ARHGAP26: variants seen among roughly 807,000 people sequenced by gnomAD.
ARHGAP26 encodes the protein Rho GTPase activating protein 26, also known as rho GTPase-activating protein 26.
In ARHGAP26, 38 loss-of-function variants were observed where a neutral mutation model predicts 104.8. That is an observed-to-expected ratio of 0.36 (90% CI 0.28 to 0.48). The LOEUF is 0.48. Ranked by LOEUF, ARHGAP26 falls within the 20% of genes least tolerant of loss-of-function variation. The probability of loss-of-function intolerance (pLI) is 0.99; values close to 1 mark genes in which losing one functional copy is unlikely to be tolerated. For missense variants in ARHGAP26, 704 were observed against 947.9 expected (o/e 0.74, Z 3.38); for synonymous variants, 341 against 340.0 (o/e 1.00, Z -0.03).
intron 1 of ARHGAP26, among the ~76,000 whole-genome samples, chr5:142,841,516 C>T (rs896465372): frequency 6.6e-6 from 1 of 152,192 alleles, no homozygotes; most frequent in Non-Finnish European, 1.5e-5. Context: ...AATAAGAATC[C>T]TTTACCCTAG....
At chr5:142,857,690 G>A (rs949665512) in intron 1 of ARHGAP26, among the ~76,000 whole-genome samples, 4 of 152,284 alleles carry the variant, frequency 2.6e-5, no homozygotes, top group African/African-American at 9.6e-5. Flanking sequence ...TCTCCTCTGG[G>A]AACAGTTTCC....
At chr5:143,042,572 A>T (rs1372397122) in intron 14 of ARHGAP26, among the ~76,000 whole-genome samples, 1 of 152,218 alleles carries the variant, frequency 6.6e-6, no homozygotes, top group Non-Finnish European at 1.5e-5. Context: ...GCCAGCCTCC[A>T]TGAATCACAT....
At chr5:143,044,394 G>T (rs1156473903) in intron 14 of ARHGAP26, among the ~76,000 whole-genome samples, 1 of 152,172 alleles carries the variant, frequency 6.6e-6, no homozygotes, top group African/African-American at 2.4e-5. Flanking sequence ...AGCCTCTGCA[G>T]TCCTTGGAGC....
intron 20 of ARHGAP26, among the ~76,000 whole-genome samples, chr5:143,205,251 A>C (rs1293953205): frequency 6.6e-6 from 1 of 152,184 alleles, no homozygotes; most frequent in Non-Finnish European, 1.5e-5. Context: ...TCTTGAAGTC[A>C]AGGGACCTTG....
chr5:143,053,293 C>T (rs980826538), intron 14 of ARHGAP26, among the ~76,000 whole-genome samples: 1 of 152,118 alleles, frequency 6.6e-6, no homozygotes, highest in African/African-American at 2.4e-5. Context: ...GAATCTCATT[C>T]TCCACCCCTG....
chr5:143,227,487 G>T lies in ARHGAP26; in HGVS notation c.*5041G>T, dbSNP rs1301916782. On this transcript the variant is annotated 3_prime_UTR_variant, in exon 23 of 23. Transcript: ENST00000645722. ...TTTGGCAGCCACACCGATCGGCTGGGTGCTGAACCGCCTCTCTGTAATTGT... is the reference window on the plus strand; with the variant it reads ...TTTGGCAGCCACACCGATCGGCTGGTTGCTGAACCGCCTCTCTGTAATTGT... 3.0e-5 allele frequency: 7 copies of T among 231,184 alleles called. No individual in the cohort carries two copies. Among genetic ancestry groups the T allele is most frequent in the Non-Finnish European group, 6.0e-5 (7 of 116,848 alleles). The allele number at this position is 231,184 out of a possible 1,614,324, so 14.3% of individuals were successfully genotyped here. A position where few individuals can be genotyped will look rare whatever the true frequency, so the allele number is the denominator to read the frequency against.
At chr5:142,826,114 G>C (rs949605384) in intron 1 of ARHGAP26, among the ~76,000 whole-genome samples, 8 of 152,258 alleles carry the variant, frequency 5.3e-5, no homozygotes, top group African/African-American at 1.9e-4. Flanking sequence ...CAGTCAGACA[G>C]TGTTGAATCT....
Position 143,103,996 on chromosome 5 carries a change from TG to T in ARHGAP26, c.1539-16991del, listed in dbSNP as rs1793641691. On this transcript the variant is annotated intron_variant, in intron 17 of 22. Coordinates refer to ENST00000645722, the MANE Select transcript of ARHGAP26 (RefSeq NM_001135608.3). ...TATTCAACCTTAGAAAAGGAGATCC[TG>T]CTATTTGTTACAACATGGATAGACC... Among the ~76,000 whole-genome samples, 4 of 151,118 alleles carry T rather than the reference TG, an allele frequency of 2.6e-5. No individual in the cohort carries two copies. In the South Asian group the frequency reaches 8.4e-4, roughly 32 times the overall value.
At chr5:143,115,467 T>C (rs1795325960) in intron 17 of ARHGAP26, among the ~76,000 whole-genome samples, 1 of 151,568 alleles carries the variant, frequency 6.6e-6, no homozygotes, top group Admixed American at 6.6e-5. Flanking sequence ...TACAAATAGG[T>C]AGGGTACAGA....
chr5:142,994,765 C>G (rs955737598), intron 11 of ARHGAP26, among the ~76,000 whole-genome samples: 1 of 152,224 alleles, frequency 6.6e-6, no homozygotes, highest in Non-Finnish European at 1.5e-5. Context: ...AGCATTTACT[C>G]TGTGCCATGC....
intron 5 of ARHGAP26, among the ~76,000 whole-genome samples, chr5:142,890,172 A>ATG (rs1758433287): frequency 9.6e-6 from 1 of 104,226 alleles, no homozygotes; most frequent in Non-Finnish European, 2.1e-5. Context: ...ATATATATAT[A>ATG]TATATATATA....
chr5:142,868,271 C>T (rs1433318677), intron 1 of ARHGAP26, among the ~76,000 whole-genome samples: 2 of 152,084 alleles, frequency 1.3e-5, no homozygotes, highest in Non-Finnish European at 2.9e-5. Context: ...TGGGCATGCC[C>T]CGGGAACTGG....
At chr5:143,195,822 T>G (rs1003421612) in intron 20 of ARHGAP26, among the ~76,000 whole-genome samples, 5 of 151,976 alleles carry the variant, frequency 3.3e-5, no homozygotes, top group African/African-American at 1.2e-4. Flanking sequence ...TTTTTTTTTT[T>G]TGTAATATTT....
intron 17 of ARHGAP26, among the ~76,000 whole-genome samples, chr5:143,104,036 A>G (rs1391756565): frequency 6.6e-6 from 1 of 151,894 alleles, no homozygotes; most frequent in Non-Finnish European, 1.5e-5. Flanking sequence ...AGAAAAAAAA[A>G]AAGAGAGAAA....
chr5:142,972,889 A>G (rs1772490751), intron 11 of ARHGAP26, among the ~76,000 whole-genome samples: 1 of 151,390 alleles, frequency 6.6e-6, no homozygotes, highest in Non-Finnish European at 1.5e-5. Context: ...GATTTTACAT[A>G]TAATTGAGAT....
intron 12 of ARHGAP26, 53 bp from the exon 13 acceptor site, chr5:143,037,143 T>G: frequency 6.7e-7 from 1 of 1,501,372 alleles, no homozygotes; most frequent in Non-Finnish European, 9.2e-7. Flanking sequence ...AGCCCTATCC[T>G]GAGGTTGATT....
intron 5 of ARHGAP26, among the ~76,000 whole-genome samples, chr5:142,888,341 G>A (rs1001069140): frequency 2.6e-5 from 4 of 152,204 alleles, no homozygotes; most frequent in Non-Finnish European, 5.9e-5. Context: ...GTTATTTAGT[G>A]CCAGTGTCAT....
chr5:143,165,315 G>A (rs1801786965), intron 20 of ARHGAP26: 2 of 152,386 alleles, frequency 1.3e-5, no homozygotes, highest in South Asian at 4.1e-4. Flanking sequence ...GAAGAGGGAG[G>A]AGAGATGAGG....
At chr5:142,924,448 CTT>C (rs1440799214) in intron 10 of ARHGAP26, among the ~76,000 whole-genome samples, 1 of 152,194 alleles carries the variant, frequency 6.6e-6, no homozygotes, top group East Asian at 1.9e-4. Context: ...GAGTCTCAGT[CTT>C]TTCACTTTTA....
Sources: gnomAD v4.1 joint callset for allele counts (sites outside exome capture counted in the v4.1 genomes callset) on GRCh38, gnomAD v4.1.1 for gene constraint, MANE v1.5 for transcripts, NCBI Gene and HGNC (gene_info 2026-07-23, HGNC 2026-07-21) for gene names.